Variants in NLGN1 observed in about 807,000 individuals in gnomAD.
NLGN1 encodes neuroligin-1.
A neutral mutation model predicts 65.5 loss-of-function variants in NLGN1; 12 were observed. The observed-to-expected ratio is 0.18, with a 90% CI of 0.12 to 0.30. NLGN1 has a LOEUF of 0.30. Among genes scored for constraint, NLGN1 ranks in the 10% least tolerant of loss-of-function variants. The pLI is 1.00. For synonymous variants in NLGN1, 350 were observed against 359.5 expected (o/e 0.97, Z 0.30); for missense variants, 750 against 1,007.1 (o/e 0.74, Z 3.46).
intron 4 of NLGN1, among the ~76,000 whole-genome samples, chr3:173,862,794 T>G (rs2150815140): frequency 6.6e-6 from 1 of 152,296 alleles, no homozygotes; most frequent in South Asian, 2.1e-4. Context: ...ATGATTTGGT[T>G]GGCAAGATAT....
chr3:174,076,720 A>T (rs867223938), intron 4 of NLGN1, among the ~76,000 whole-genome samples: 1,473 of 114,514 alleles, frequency 0.013, 14 homozygotes, highest in African/African-American at 0.039. Flanking sequence ...AGAGAGAGAG[A>T]GAGAGTGTGT....
intron 3 of NLGN1, among the ~76,000 whole-genome samples, chr3:173,670,819 G>A (rs1361096041): frequency 6.6e-6 from 1 of 151,960 alleles, no homozygotes; most frequent in Admixed American, 6.6e-5. Context: ...AATGTCAGAA[G>A]TTCTTAAAGT....
At chr3:173,669,353 G>A (rs1354973254) in intron 3 of NLGN1, among the ~76,000 whole-genome samples, 3 of 152,192 alleles carry the variant, frequency 2.0e-5, no homozygotes, top group Non-Finnish European at 2.9e-5. Context: ...CAGGCCAGAA[G>A]TCTGAAGTTA....
At chr3:173,465,308 T>C (rs1408671785) in intron 2 of NLGN1, among the ~76,000 whole-genome samples, 2 of 152,198 alleles carry the variant, frequency 1.3e-5, no homozygotes, top group Non-Finnish European at 2.9e-5. Flanking sequence ...CTTTAGTTGT[T>C]GCTGAGAACT....
At chr3:173,788,623 A>G (rs2150354364) in intron 3 of NLGN1, among the ~76,000 whole-genome samples, 1 of 152,150 alleles carries the variant, frequency 6.6e-6, no homozygotes, top group East Asian at 1.9e-4. Flanking sequence ...CAAAAGTCTA[A>G]CAGCAGGTAG....
chr3:173,560,159 C>T (rs1742466927), intron 2 of NLGN1, among the ~76,000 whole-genome samples: 1 of 151,992 alleles, frequency 6.6e-6, no homozygotes, highest in South Asian at 2.1e-4. Flanking sequence ...TCTCGATCTC[C>T]TGACCTCGTG....
At chr3:173,726,829 T>C (rs2150032879) in intron 3 of NLGN1, among the ~76,000 whole-genome samples, 1 of 151,440 alleles carries the variant, frequency 6.6e-6, no homozygotes, top group East Asian at 2.0e-4. Context: ...ACCTGAAAAA[T>C]GCAACAAAAG....
intron 4 of NLGN1, among the ~76,000 whole-genome samples, chr3:173,973,368 TC>T (rs1353838793): frequency 6.6e-6 from 1 of 152,128 alleles, no homozygotes; most frequent in African/African-American, 2.4e-5. Flanking sequence ...TGTTGTCTTT[TC>T]TTTTTCTGCA....
intron 3 of NLGN1, among the ~76,000 whole-genome samples, chr3:173,792,861 A>G (rs1010907050): frequency 6.6e-6 from 1 of 152,176 alleles, no homozygotes; most frequent in African/African-American, 2.4e-5. Flanking sequence ...TTCCATTTGG[A>G]ATAGAAAATA....
chr3:174,083,858 G>A (rs1201308402), intron 4 of NLGN1, among the ~76,000 whole-genome samples: 1 of 151,904 alleles, frequency 6.6e-6, no homozygotes, highest in Non-Finnish European at 1.5e-5. Flanking sequence ...AAAAAAAAGA[G>A]CTGATAGCCA....
chr3:174,165,877 AG>A (rs1727391163), intron 4 of NLGN1, among the ~76,000 whole-genome samples: 1 of 152,026 alleles, frequency 6.6e-6, no homozygotes, highest in Admixed American at 6.6e-5. Flanking sequence ...TCTATTTCAG[AG>A]CTCAATATTG....
chr3:173,833,483 C>A (rs543534760), intron 4 of NLGN1, among the ~76,000 whole-genome samples: 7 of 151,872 alleles, frequency 4.6e-5, no homozygotes, highest in African/African-American at 1.4e-4. Context: ...TCTATGCATG[C>A]TGCAAGTAGT....
intron 2 of NLGN1, among the ~76,000 whole-genome samples, chr3:173,514,475 AATTT>A (rs1733507625): frequency 6.6e-6 from 1 of 152,030 alleles, no homozygotes; most frequent in Non-Finnish European, 1.5e-5. Flanking sequence ...TGTGAGTGAG[AATTT>A]ATTTATTTAT....
chr3:173,843,943 A>G (rs1343011218), intron 4 of NLGN1, among the ~76,000 whole-genome samples: 1 of 152,194 alleles, frequency 6.6e-6, no homozygotes, highest in African/African-American at 2.4e-5. Flanking sequence ...CCAAAACTGG[A>G]TAATTTACAA....
chr3:173,873,462 A>G (rs921810242), intron 4 of NLGN1, among the ~76,000 whole-genome samples: 2 of 152,224 alleles, frequency 1.3e-5, no homozygotes, highest in African/African-American at 4.8e-5. Context: ...CAGTATAAGA[A>G]AAACTAACAT....
intron 4 of NLGN1, among the ~76,000 whole-genome samples, chr3:173,839,091 A>G (rs1189885544): frequency 1.0e-5 from 1 of 95,730 alleles, no homozygotes; most frequent in Admixed American, 1.3e-4. Flanking sequence ...GAATTGGATG[A>G]CTTTTTTTTT....
At position 173,631,024 on chromosome 3, in the gene NLGN1, A is replaced by G. The variant is rs1032781; in HGVS notation, c.493+25933A>G. On this transcript the variant is annotated intron_variant, in intron 3 of 6. Transcript: ENST00000457714. ...GAAGGCAAGTTGCCTTCTCAGGGCA[A>G]TGAAGTTCTGCTGTGACTGCTCCGC... Among the ~76,000 whole-genome samples the G allele has an allele frequency of 3.1e-3, 469 of 152,230 alleles. 4 individuals carry two copies. The highest frequency in any genetic ancestry group is 0.011 in the African/African-American group (455 of 41,548).
At chr3:174,070,656 G>C (rs1033682992) in intron 4 of NLGN1, among the ~76,000 whole-genome samples, 1 of 152,102 alleles carries the variant, frequency 6.6e-6, no homozygotes, top group Non-Finnish European at 1.5e-5. Flanking sequence ...TAAATGAAAA[G>C]TTAACATATT....
chr3:174,032,427 G>A (rs1412518739), intron 4 of NLGN1, among the ~76,000 whole-genome samples: 1 of 152,178 alleles, frequency 6.6e-6, no homozygotes, highest in East Asian at 1.9e-4. Flanking sequence ...GCATAGATAA[G>A]TTTGATAACC....
Sources: allele counts gnomAD v4.1 joint callset (sites outside exome capture counted in the v4.1 genomes callset), GRCh38; gene constraint gnomAD v4.1.1; transcripts MANE v1.5; gene names NCBI Gene and HGNC (gene_info 2026-07-23, HGNC 2026-07-21).